Variants in NRG3 observed in about 807,000 individuals in gnomAD.
The protein encoded by NRG3 is neuregulin 3.
Under a neutral mutation model 66.9 loss-of-function variants are expected in NRG3, and 31 were observed. The ratio of observed to expected loss-of-function variants is 0.46; its 90% CI spans 0.35 to 0.63. The LOEUF (loss-of-function observed/expected upper bound fraction) is 0.63. Among genes scored for constraint, NRG3 ranks in the 20% least tolerant of loss-of-function variants. The pLI is 0.00. For synonymous variants in NRG3, 393 were observed against 359.4 expected (o/e 1.09, Z -1.06); for missense variants, 910 against 878.9 (o/e 1.04, Z -0.45).
intron 1 of NRG3, among the ~76,000 whole-genome samples, chr10:82,269,275 A>G (rs61863039): frequency 0.15 from 22,308 of 152,054 alleles, 1,737 homozygotes; most frequent in African/African-American, 0.18. Flanking sequence ...GAGCTTGCAC[A>G]GTGATAGTTA....
intron 3 of NRG3, among the ~76,000 whole-genome samples, chr10:82,856,544 A>T (rs2063809946): frequency 6.6e-6 from 1 of 152,088 alleles, no homozygotes. Context: ...CAGGAGTTTG[A>T]GACCAGCCTG....
chr10:82,754,377 G>T (rs185462410), intron 3 of NRG3, among the ~76,000 whole-genome samples: 33 of 151,682 alleles, frequency 2.2e-4, no homozygotes, highest in Admixed American at 3.3e-4. Context: ...TTGTATTTGG[G>T]TTTTATGAAC....
At chr10:82,936,614 T>C (rs1036359734) in intron 4 of NRG3, among the ~76,000 whole-genome samples, 1 of 152,138 alleles carries the variant, frequency 6.6e-6, no homozygotes, top group Non-Finnish European at 1.5e-5. Context: ...TTCAGTCTTT[T>C]CCCCACAAAA....
intron 2 of NRG3, among the ~76,000 whole-genome samples, chr10:82,454,638 C>T (rs1287313120): frequency 1.3e-5 from 2 of 152,132 alleles, no homozygotes; most frequent in Non-Finnish European, 2.9e-5. Context: ...CATCTCAAAA[C>T]ACTCAGGAAA....
At chr10:82,287,802 C>A (rs1323335515) in intron 1 of NRG3, among the ~76,000 whole-genome samples, 1 of 152,072 alleles carries the variant, frequency 6.6e-6, no homozygotes, top group Non-Finnish European at 1.5e-5. Context: ...TTGGTCCCGA[C>A]CTATATGGTG....
At chr10:82,982,297 T>G (rs1231108240) in intron 8 of NRG3, among the ~76,000 whole-genome samples, 1 of 152,186 alleles carries the variant, frequency 6.6e-6, no homozygotes, top group Non-Finnish European at 1.5e-5. Context: ...ACCAAGTGAC[T>G]AATAGTTGGA....
At chr10:82,549,334 TA>T (rs2044148590) in intron 2 of NRG3, among the ~76,000 whole-genome samples, 1 of 152,136 alleles carries the variant, frequency 6.6e-6, no homozygotes. Flanking sequence ...TAAAATACAT[TA>T]AATTCTTGTT....
At chr10:82,919,001 T>G (rs1383836692) in intron 4 of NRG3, among the ~76,000 whole-genome samples, 1 of 151,950 alleles carries the variant, frequency 6.6e-6, no homozygotes, top group Non-Finnish European at 1.5e-5. Context: ...CCCAATGCCT[T>G]TAAACCAATC....
At chr10:82,439,914 T>A (rs1444763189) in intron 2 of NRG3, among the ~76,000 whole-genome samples, 1 of 152,064 alleles carries the variant, frequency 6.6e-6, no homozygotes, top group African/African-American at 2.4e-5. Flanking sequence ...TGTTGTTACT[T>A]TAGCTAATAA....
At chr10:82,199,118 G>A (rs2074623153) in intron 1 of NRG3, among the ~76,000 whole-genome samples, 1 of 149,336 alleles carries the variant, frequency 6.7e-6, no homozygotes, top group Non-Finnish European at 1.5e-5. Flanking sequence ...GCAGTGAGCT[G>A]AGACCTTGCT....
chr10:82,762,763 TC>T (rs1407828931), intron 3 of NRG3, among the ~76,000 whole-genome samples: 1 of 152,218 alleles, frequency 6.6e-6, no homozygotes, highest in Admixed American at 6.5e-5. Flanking sequence ...TACCAAGCTT[TC>T]CATGTCAACT....
chr10:81,978,387 T>A (rs1182345509), intron 1 of NRG3, among the ~76,000 whole-genome samples: 1 of 152,186 alleles, frequency 6.6e-6, no homozygotes, highest in African/African-American at 2.4e-5. Context: ...GAGAAGCACA[T>A]CGAAGAGCCA....
In NRG3 at chr10:82,985,086, T is replaced by C. The variant is rs1249548378; in HGVS notation, c.1584-12T>C. 3.1e-6 allele frequency: 5 copies of C among 1,610,922 alleles called. No homozygotes were observed. Among genetic ancestry groups the C allele is most frequent in the Admixed American group, 3.4e-5 (2 of 59,662 alleles). ...AGAAAGCAGAAGGAGTAACACTGTG[T>C]TTCTTTTTCAGGTATTCATCCAGTG... On this transcript the variant is annotated splice_polypyrimidine_tract_variant and intron_variant, in intron 8 of 8. Transcript: ENST00000372141.
At chr10:81,917,071 G>C (rs180807196) in intron 1 of NRG3, among the ~76,000 whole-genome samples, 1 of 152,060 alleles carries the variant, frequency 6.6e-6, no homozygotes, top group Non-Finnish European at 1.5e-5. Context: ...ACAATACCAT[G>C]GCTCAAAATA....
intron 2 of NRG3, among the ~76,000 whole-genome samples, chr10:82,367,928 G>C (rs999742969): frequency 6.6e-6 from 1 of 152,066 alleles, no homozygotes; most frequent in Non-Finnish European, 1.5e-5. Flanking sequence ...CTAGAAGGTG[G>C]AACTTTCAAG....
chr10:81,943,814 A>G (rs1055381991), intron 1 of NRG3, among the ~76,000 whole-genome samples: 1 of 152,192 alleles, frequency 6.6e-6, no homozygotes, highest in African/African-American at 2.4e-5. Flanking sequence ...GTTAAGGTAC[A>G]TTCTTCCACT....
intron 2 of NRG3, among the ~76,000 whole-genome samples, chr10:82,464,127 G>T (rs1840444035): frequency 6.6e-6 from 1 of 152,130 alleles, no homozygotes; most frequent in Non-Finnish European, 1.5e-5. Context: ...GAGAATTGAG[G>T]CTCAGTTGGT....
At chr10:81,899,682 T>TG (rs1049976433) in intron 1 of NRG3, among the ~76,000 whole-genome samples, 1 of 152,196 alleles carries the variant, frequency 6.6e-6, no homozygotes, top group Non-Finnish European at 1.5e-5. Context: ...CCTGGGACCA[T>TG]GAAGCTACAG....
At chr10:82,884,414 T>C (rs978201344) in intron 4 of NRG3, among the ~76,000 whole-genome samples, 8 of 152,204 alleles carry the variant, frequency 5.3e-5, no homozygotes, top group African/African-American at 1.9e-4. Context: ...GTTTAAAAAT[T>C]TGACATTCCT....
Sources: allele counts gnomAD v4.1 joint callset (sites outside exome capture counted in the v4.1 genomes callset), GRCh38; gene constraint gnomAD v4.1.1; transcripts MANE v1.5; gene names NCBI Gene and HGNC (gene_info 2026-07-23, HGNC 2026-07-21).